The following TRPV3 variants were observed in gnomAD, a reference collection of about 807,000 sequenced individuals.
TRPV3 encodes VRL-3.
A neutral mutation model predicts 87.1 loss-of-function variants in TRPV3; 88 were observed. The observed-to-expected ratio is 1.01, with a 90% confidence interval of 0.85 to 1.21. The LOEUF (loss-of-function observed/expected upper bound fraction) is 1.21. Among genes scored for constraint, TRPV3 ranks in the 50% most tolerant of loss-of-function variants. TRPV3 has a pLI of 0.00. For synonymous variants in TRPV3, 438 were observed against 423.3 expected (o/e 1.03, Z -0.43); for missense variants, 1,054 against 1,030.1 (o/e 1.02, Z -0.32).
At chr17:3,524,416 C>G in intron 12 of TRPV3, 53 bp from the exon 13 acceptor site, 1 of 1,597,586 alleles carries the variant, frequency 6.3e-7, no homozygotes, top group Non-Finnish European at 8.5e-7. Context: ...AGCATCAGGG[C>G]AAAGATATGC....
chr17:3,523,893 T>TACACAC (rs1247800485), intron 13 of TRPV3, among the ~76,000 whole-genome samples: 58 of 148,026 alleles, frequency 3.9e-4, no homozygotes, highest in Middle Eastern at 3.6e-3. Flanking sequence ...ATATTCCACC[T>TACACAC]ACACACACAC....
At chr17:3,540,588 G>A (rs1420400161) in intron 6 of TRPV3, among the ~76,000 whole-genome samples, 1 of 152,206 alleles carries the variant, frequency 6.6e-6, no homozygotes, top group Admixed American at 6.5e-5. Flanking sequence ...TCTTAGGTGA[G>A]ACCCTAAGGG....
chr17:3,548,284 T>C (rs1249487669), intron 2 of TRPV3, among the ~76,000 whole-genome samples: 2 of 152,188 alleles, frequency 1.3e-5, no homozygotes, highest in Non-Finnish European at 2.9e-5. Flanking sequence ...TGTGGCCCCA[T>C]TCTGCAGACA....
At chr17:3,529,096 G>A (rs1597476287) in intron 9 of TRPV3, 101 bp from the exon 10 acceptor site, 3 of 1,346,240 alleles carry the variant, frequency 2.2e-6, no homozygotes, top group East Asian at 4.6e-5. Context: ...TGCAGAAGGG[G>A]CCCATCATTA....
At chr17:3,526,985 T>C in intron 11 of TRPV3, 58 bp from the exon 12 acceptor site, 1 of 1,401,146 alleles carries the variant, frequency 7.1e-7, no homozygotes, top group Non-Finnish European at 1.0e-6. Flanking sequence ...GCAGGGGAGC[T>C]GAGCAGAGGG....
intron 8 of TRPV3, among the ~76,000 whole-genome samples, chr17:3,531,082 AC>A (rs59503981): frequency 0.12 from 17,364 of 148,990 alleles, 2,680 homozygotes; most frequent in African/African-American, 0.35. Flanking sequence ...AAACAAACAA[AC>A]AAAAAAACCA....
chr17:3,536,133 G>A (rs1186127664), intron 6 of TRPV3, among the ~76,000 whole-genome samples: 1 of 152,306 alleles, frequency 6.6e-6, no homozygotes, highest in African/African-American at 2.4e-5. Flanking sequence ...TTAGCGAGGC[G>A]GTGTGGGGCC....
At chr17:3,554,877 G>T in intron 1 of TRPV3, 25 bp from the exon 2 acceptor site, 1 of 1,545,826 alleles carries the variant, frequency 6.5e-7, no homozygotes, top group Non-Finnish European at 8.9e-7. Context: ...CAGGGCAGAT[G>T]CTCAGGCCGG....
intron 2 of TRPV3, among the ~76,000 whole-genome samples, chr17:3,546,988 G>C (rs1387916430): frequency 1.0e-5 from 1 of 98,008 alleles, no homozygotes; most frequent in African/African-American, 5.2e-5. Context: ...AACTGGGTCT[G>C]GGTGACTCTC....
At chr17:3,520,910 A>G in intron 14 of TRPV3, 63 bp downstream of exon 14, 1 of 1,204,210 alleles carries the variant, frequency 8.3e-7, no homozygotes, top group South Asian at 1.3e-5. Flanking sequence ...GCACTTTGCC[A>G]TTTTGACATC....
chr17:3,555,876 G>A (rs1025825714), intron 1 of TRPV3, among the ~76,000 whole-genome samples: 4 of 151,912 alleles, frequency 2.6e-5, no homozygotes, highest in Admixed American at 6.6e-5. Flanking sequence ...CTCGAACACC[G>A]CATAAGAGCT....
chr17:3,554,686 G>T, intron 2 of TRPV3, 46 bp downstream of exon 2: 1 of 1,355,886 alleles, frequency 7.4e-7, no homozygotes, highest in Non-Finnish European at 1.0e-6. Flanking sequence ...CCCCACTCGT[G>T]CCCCTCACAG....
intron 13 of TRPV3, among the ~76,000 whole-genome samples, chr17:3,522,752 G>A (rs1459953551): frequency 6.6e-6 from 1 of 151,566 alleles, no homozygotes; most frequent in African/African-American, 2.4e-5. Context: ...GGGAGGCAGA[G>A]GTTGCAGTGA....
chr17:3,516,599 G>C (rs370497774), intron 15 of TRPV3, 30 bp from the exon 16 acceptor site: 9 of 1,532,478 alleles, frequency 5.9e-6, no homozygotes, highest in Non-Finnish European at 8.1e-6. Flanking sequence ...TAAGGAGTAG[G>C]CATCCACACT....
chr17:3,534,164 G>C (rs890612581), intron 7 of TRPV3, among the ~76,000 whole-genome samples: 1 of 152,088 alleles, frequency 6.6e-6, no homozygotes, highest in Non-Finnish European at 1.5e-5. Context: ...GGGGACACAC[G>C]ATGAACTGGA....
rs1215825165 is a variant in TRPV3, at chr17:3,535,633, T to TGACGTC, written c.718_723dup (p.Asp240_Val241dup). 1.2e-6 allele frequency: 2 copies of TGACGTC among 1,609,070 alleles called. No homozygotes were observed. Among genetic ancestry groups the TGACGTC allele is most frequent in the South Asian group, 2.2e-5 (2 of 90,584 alleles). ...AAGAAGGCCCCCTTGGCGTGCGCGT[T>TGACGTC]GACGTCGGCGCCGGCGGCGATGAGC... On this transcript the variant is annotated inframe_insertion, in exon 7 of 18. Coordinates refer to ENST00000576742, the MANE Select transcript of TRPV3 (RefSeq NM_145068.4).
chr17:3,542,437 C>T (rs1279763021), intron 6 of TRPV3, 85 bp downstream of exon 6: 10 of 1,483,942 alleles, frequency 6.7e-6, no homozygotes, highest in African/African-American at 1.4e-5. Context: ...AGTGCCTCCA[C>T]GTGGCCTGGC....
intron 13 of TRPV3, 61 bp from the exon 14 acceptor site, chr17:3,521,100 T>C: frequency 2.0e-6 from 2 of 989,852 alleles, no homozygotes; most frequent in Non-Finnish European, 3.1e-6. Context: ...GGCACCCTGA[T>C]CTTCCTGCTT....
At chr17:3,514,391 T>G in intron 17 of TRPV3, 1 of 590,586 alleles carries the variant, frequency 1.7e-6, no homozygotes, top group South Asian at 2.0e-5. Context: ...CATGATGTGT[T>G]TCTATGGCTT....
Sources: gnomAD v4.1 joint callset for allele counts (sites outside exome capture counted in the v4.1 genomes callset) on GRCh38, gnomAD v4.1.1 for gene constraint, MANE v1.5 for transcripts, NCBI Gene and HGNC (gene_info 2026-07-23, HGNC 2026-07-21) for gene names.